Variants in NEK6 observed in about 807,000 individuals in gnomAD.
The protein encoded by NEK6 is serine/threonine-protein kinase Nek6.
Under a neutral mutation model 43.5 loss-of-function variants are expected in NEK6, and 27 were observed. The ratio of observed to expected loss-of-function variants is 0.62; its 90% confidence interval spans 0.46 to 0.86. The LOEUF is 0.86. NEK6 is among the 40% of genes least tolerant of loss of function. The probability of loss-of-function intolerance (pLI) is 0.00; values close to 1 mark genes in which losing one functional copy is unlikely to be tolerated. For missense variants in NEK6, 318 were observed against 414.4 expected (o/e 0.77, Z 2.02); for synonymous variants, 167 against 164.1 (o/e 1.02, Z -0.14).
At chr9:124,334,515 T>TCA (rs1829190981) in intron 7 of NEK6, among the ~76,000 whole-genome samples, 1 of 152,206 alleles carries the variant, frequency 6.6e-6, no homozygotes, top group African/African-American at 2.4e-5. Context: ...AATCTCTCTC[T>TCA]GCCCACGTGC....
chr9:124,274,785 C>T (rs995161118), intron 1 of NEK6, among the ~76,000 whole-genome samples: 1 of 152,016 alleles, frequency 6.6e-6, no homozygotes, highest in Non-Finnish European at 1.5e-5. Flanking sequence ...GGGAGCTGAC[C>T]GGTCTGACGC....
intron 2 of NEK6, among the ~76,000 whole-genome samples, chr9:124,305,987 G>A (rs1833236429): frequency 6.6e-6 from 1 of 152,212 alleles, no homozygotes; most frequent in South Asian, 2.1e-4. Context: ...GTTTTCAGGT[G>A]GCAAGGGGGT....
chr9:124,329,354 C>T (rs1828845701), intron 7 of NEK6, among the ~76,000 whole-genome samples: 1 of 152,212 alleles, frequency 6.6e-6, no homozygotes, highest in African/African-American at 2.4e-5. Context: ...TGTCCCACTG[C>T]AGAAAAAAGA....
chr9:124,350,126 G>A (rs897716639), intron 9 of NEK6, among the ~76,000 whole-genome samples: 5 of 151,966 alleles, frequency 3.3e-5, no homozygotes, highest in Non-Finnish European at 7.3e-5. Context: ...CTGCTGCTTC[G>A]GCTGCTGTGG....
intron 8 of NEK6, among the ~76,000 whole-genome samples, chr9:124,339,926 G>T (rs1033047600): frequency 2.0e-5 from 3 of 152,008 alleles, no homozygotes; most frequent in African/African-American, 7.3e-5. Context: ...GGGAGCACAG[G>T]CCAGGCATCT....
At chr9:124,257,752 G>T, upstream of NEK6, 1 of 1,517,264 alleles carries the variant, frequency 6.6e-7, no homozygotes, top group Non-Finnish European at 8.8e-7. Flanking sequence ...TCCCATCTCT[G>T]AAATGGGGAA....
chr9:124,295,125 G>A (rs1038195560), intron 1 of NEK6, among the ~76,000 whole-genome samples: 5 of 152,236 alleles, frequency 3.3e-5, no homozygotes, highest in Admixed American at 6.5e-5. Flanking sequence ...AGGGGGCAGC[G>A]GGGAACCTGT....
chr9:124,317,728 G>C (rs1833886266), intron 4 of NEK6, among the ~76,000 whole-genome samples: 1 of 152,096 alleles, frequency 6.6e-6, no homozygotes, highest in African/African-American at 2.4e-5. Flanking sequence ...CTTTATGTTT[G>C]TGTGTACCCA....
chr9:124,305,624 T>C (rs1833218689), intron 2 of NEK6, among the ~76,000 whole-genome samples: 1 of 152,092 alleles, frequency 6.6e-6, no homozygotes, highest in East Asian at 1.9e-4. Flanking sequence ...GCAACTGTTT[T>C]TTTGGGGTTT....
At chr9:124,282,612 G>T (rs550484142) in intron 1 of NEK6, among the ~76,000 whole-genome samples, 1 of 152,190 alleles carries the variant, frequency 6.6e-6, no homozygotes, top group African/African-American at 2.4e-5. Context: ...CAAGGGCCAG[G>T]CTGGGGCCAC....
At chr9:124,305,488 A>C (rs10760351) in intron 2 of NEK6, among the ~76,000 whole-genome samples, 59,325 of 149,752 alleles carry the variant, frequency 0.4, 12,396 homozygotes, top group South Asian at 0.61. Flanking sequence ...TGGGAGGCAG[A>C]GGTTGCAGTG....
At chr9:124,294,173 C>T (rs1832565919) in intron 1 of NEK6, among the ~76,000 whole-genome samples, 1 of 152,202 alleles carries the variant, frequency 6.6e-6, no homozygotes, top group Non-Finnish European at 1.5e-5. Context: ...CGAGACCAGC[C>T]TGACCAACAT....
At chr9:124,300,509 G>A (rs1025599850) in intron 1 of NEK6, among the ~76,000 whole-genome samples, 4 of 152,182 alleles carry the variant, frequency 2.6e-5, no homozygotes, top group African/African-American at 9.7e-5. Flanking sequence ...AGGAGGCGGG[G>A]TCTGTCTGGA....
At chr9:124,306,256 C>G (rs1833250562) in intron 2 of NEK6, among the ~76,000 whole-genome samples, 1 of 152,046 alleles carries the variant, frequency 6.6e-6, no homozygotes. Flanking sequence ...CCCTTTATGT[C>G]TCTGCTTGTG....
intron 5 of NEK6, among the ~76,000 whole-genome samples, chr9:124,323,843 C>T (rs1834194485): frequency 6.6e-6 from 1 of 152,178 alleles, no homozygotes. Context: ...TGGGGTGTCT[C>T]CTTCCCTGTG....
intron 1 of NEK6, among the ~76,000 whole-genome samples, chr9:124,259,676 C>G (rs1460925130): frequency 6.6e-6 from 1 of 152,174 alleles, no homozygotes; most frequent in Non-Finnish European, 1.5e-5. Context: ...ATGAGTCACT[C>G]CCTGGCAGAG....
intron 4 of NEK6, among the ~76,000 whole-genome samples, chr9:124,317,528 A>G (rs915132783): frequency 4.6e-5 from 7 of 152,058 alleles, no homozygotes; most frequent in African/African-American, 1.4e-4. Context: ...TCTTTTTTAA[A>G]TTTCCATTTT....
intron 1 of NEK6, among the ~76,000 whole-genome samples, chr9:124,286,180 C>T (rs1003193795): frequency 6.6e-6 from 1 of 152,252 alleles, no homozygotes; most frequent in Non-Finnish European, 1.5e-5. Flanking sequence ...TGTCTGAAAC[C>T]TCTTCGGGCT....
intron 1 of NEK6, among the ~76,000 whole-genome samples, chr9:124,284,738 C>T (rs1024603515): frequency 5.9e-5 from 9 of 152,232 alleles, no homozygotes; most frequent in African/African-American, 1.4e-4. Context: ...CCACATGCAC[C>T]GCCTGGTGGA....
Sources: gnomAD v4.1 joint callset for allele counts (sites outside exome capture counted in the v4.1 genomes callset) on GRCh38, gnomAD v4.1.1 for gene constraint, MANE v1.5 for transcripts, NCBI Gene and HGNC (gene_info 2026-07-23, HGNC 2026-07-21) for gene names.